Variants in FNDC1 observed in about 807,000 individuals in gnomAD.
The protein encoded by FNDC1 is fibronectin type III domain-containing protein 1.
In FNDC1, 96 loss-of-function variants were observed where a neutral mutation model predicts 168.0. That is an observed-to-expected ratio of 0.57 (90% CI 0.48 to 0.68). FNDC1 has a LOEUF of 0.68. Among genes scored for constraint, FNDC1 ranks in the 30% least tolerant of loss-of-function variants. The pLI, the probability that FNDC1 is intolerant of heterozygous loss-of-function variation, is 0.00. For synonymous variants in FNDC1, 1,099 were observed against 1,025.9 expected (o/e 1.07, Z -1.36); for missense variants, 2,587 against 2,482.1 (o/e 1.04, Z -0.90).
At chr6:159,267,360 C>T (rs1777613175) in intron 21 of FNDC1, among the ~76,000 whole-genome samples, 1 of 152,206 alleles carries the variant, frequency 6.6e-6, no homozygotes, top group African/African-American at 2.4e-5. Flanking sequence ...GCAGCCATGG[C>T]TCAGGACCAT....
chr6:159,175,409 C>A (rs1439498697), intron 1 of FNDC1, among the ~76,000 whole-genome samples: 1 of 152,176 alleles, frequency 6.6e-6, no homozygotes, highest in Non-Finnish European at 1.5e-5. Context: ...ACTCTCCCTG[C>A]AGACACCCCT....
chr6:159,231,754 A>T, intron 10 of FNDC1, 128 bp from the exon 11 acceptor site: 1 of 701,280 alleles, frequency 1.4e-6, no homozygotes, highest in Non-Finnish European at 2.3e-6. Context: ...GTTCTAAGGA[A>T]TTAGAAGTTA....
At chr6:159,251,977 G>T (rs1423701099) in intron 17 of FNDC1, among the ~76,000 whole-genome samples, 1 of 152,158 alleles carries the variant, frequency 6.6e-6, no homozygotes, top group African/African-American at 2.4e-5. Flanking sequence ...TTTGGAGTCA[G>T]CCCTGGGCTT....
chr6:159,244,740 T>C (rs1344203512), intron 14 of FNDC1, among the ~76,000 whole-genome samples: 3 of 152,208 alleles, frequency 2.0e-5, no homozygotes, highest in Non-Finnish European at 4.4e-5. Flanking sequence ...GGCAGTTTTA[T>C]GTAGTATAAA....
intron 1 of FNDC1, among the ~76,000 whole-genome samples, chr6:159,185,889 TG>T (rs1490895297): frequency 6.6e-6 from 1 of 152,204 alleles, no homozygotes; most frequent in Admixed American, 6.5e-5. Context: ...GAATAGCTTT[TG>T]GGTAGCCAAT....
rs115529940 is a variant in FNDC1 at position 159,233,688 on chromosome 6, G to C, written c.3176G>C (p.Ser1059Thr). ...SHSSSDPYTA[S>T]SRGMLPTALQ... is the part of the protein sequence containing the mutation. ...TCCTCCTCGGACCCTTACACGGCGA[G>C]CTCCAGAGGGATGCTCCCCACGGCC... Residue 1059 changes from serine (S) to threonine (T), a missense_variant, in exon 11 of 23, where the codon AGC (serine) becomes ACC (threonine). Transcript: ENST00000297267. This position sits in a 1 kb window ranked among gnomAD's most constrained non-coding sequence, Gnocchi z 4.6. 3,002 of 1,549,514 alleles carry C rather than the reference G, an allele frequency of 1.9e-3. 43 individuals carry two copies. In the African/African-American group the frequency reaches 0.035, roughly 18 times the overall value.
At chr6:159,208,395 C>T (rs935337237) in intron 4 of FNDC1, among the ~76,000 whole-genome samples, 4 of 152,178 alleles carry the variant, frequency 2.6e-5, no homozygotes, top group African/African-American at 9.7e-5. Context: ...AAAGATTCCC[C>T]TCAAAAGGCT....
intron 4 of FNDC1, among the ~76,000 whole-genome samples, chr6:159,203,492 C>T (rs1467770832): frequency 6.6e-6 from 1 of 152,152 alleles, no homozygotes; most frequent in East Asian, 1.9e-4. Flanking sequence ...TGAAACCTCT[C>T]AGCACTCAGG....
At chr6:159,215,625 G>A (rs1359071900) in intron 5 of FNDC1, among the ~76,000 whole-genome samples, 1 of 152,136 alleles carries the variant, frequency 6.6e-6, no homozygotes, top group Non-Finnish European at 1.5e-5. Context: ...TATATAAAGG[G>A]GAGTTTATTA....
chr6:159,242,874 T>G (rs774784598), intron 14 of FNDC1, among the ~76,000 whole-genome samples: 38 of 152,346 alleles, frequency 2.5e-4, no homozygotes, highest in South Asian at 4.1e-4. Flanking sequence ...CATCAGTACT[T>G]CATTTTTTTT....
chr6:159,190,454 C>G (rs1208793777), intron 1 of FNDC1, among the ~76,000 whole-genome samples: 4 of 152,204 alleles, frequency 2.6e-5, no homozygotes, highest in East Asian at 3.8e-4. Context: ...CCATTTGGCT[C>G]CACTCCCACG....
chr6:159,261,871 G>A (rs573564042), intron 19 of FNDC1, among the ~76,000 whole-genome samples: 1 of 152,174 alleles, frequency 6.6e-6, no homozygotes, highest in African/African-American at 2.4e-5. Flanking sequence ...GGAAGCCAAG[G>A]TGGGATGATC....
chr6:159,183,429 C>A (rs577166816), intron 1 of FNDC1, among the ~76,000 whole-genome samples: 1 of 152,210 alleles, frequency 6.6e-6, no homozygotes, highest in African/African-American at 2.4e-5. Flanking sequence ...CAGACCTCTG[C>A]GTTCTTTGGG....
Position 159,200,082 on chromosome 6 carries a change from G to T in FNDC1, c.391G>T (p.Gly131Ter), listed in dbSNP as rs371159803. The T allele has an allele frequency of 1.3e-6, 2 of 1,590,234 alleles. No individual in the cohort carries two copies. The highest frequency in any genetic ancestry group is 1.8e-5 in the Admixed American group (1 of 56,752). ...RPVYRAESPP[G>*]GEWIEIDGFP... Reference sequence around the variant, plus strand: ...TGTTTACAGAGCTGAAAGCCCACCTGGTAAGTCCTATCTAGAATCAGAGGC... The same window carrying T: ...TGTTTACAGAGCTGAAAGCCCACCTTGTAAGTCCTATCTAGAATCAGAGGC... The change falls in exon 3 of 23, where the codon GGA becomes TGA. Residue 131 changes from glycine to a stop codon, truncating the protein, a stop_gained and splice_region_variant. Coordinates refer to ENST00000297267, the MANE Select transcript of FNDC1 (RefSeq NM_032532.3). LOFTEE classifies it high-confidence loss of function.
At chr6:159,175,703 T>C (rs1781747666) in intron 1 of FNDC1, among the ~76,000 whole-genome samples, 1 of 152,196 alleles carries the variant, frequency 6.6e-6, no homozygotes, top group Admixed American at 6.5e-5. Flanking sequence ...CCCCCTTTCC[T>C]TGGTGGTCCT....
At chr6:159,242,251 A>G (rs1434618382) in intron 14 of FNDC1, among the ~76,000 whole-genome samples, 1 of 152,248 alleles carries the variant, frequency 6.6e-6, no homozygotes, top group Non-Finnish European at 1.5e-5. Flanking sequence ...TAAACACCGC[A>G]TGTTGTCACT....
chr6:159,262,724 C>A (rs947032139), intron 19 of FNDC1, among the ~76,000 whole-genome samples: 1 of 152,162 alleles, frequency 6.6e-6, no homozygotes, highest in Non-Finnish European at 1.5e-5. Flanking sequence ...TGTCTTCTAC[C>A]TTCTCCTCCA....
intron 1 of FNDC1, 121 bp from the exon 2 acceptor site, chr6:159,197,310 C>A: frequency 1.0e-6 from 1 of 954,534 alleles, no homozygotes; most frequent in Non-Finnish European, 1.6e-6. Context: ...TCCTTAAAGT[C>A]TTTCGGATCA....
chr6:159,265,787 G>C (rs187277982), intron 20 of FNDC1, among the ~76,000 whole-genome samples: 256 of 152,246 alleles, frequency 1.7e-3, no homozygotes, highest in Non-Finnish European at 2.7e-3. Context: ...AATTAGCCGG[G>C]TGTGGTGGCG....
Sources: allele counts gnomAD v4.1 joint callset (sites outside exome capture counted in the v4.1 genomes callset), GRCh38; gene constraint gnomAD v4.1.1; non-coding constraint Gnocchi (gnomAD v3.1); transcripts MANE v1.5; gene names NCBI Gene and HGNC (gene_info 2026-07-23, HGNC 2026-07-21).